Variants in NRXN1 observed in about 807,000 individuals in gnomAD.
The protein encoded by NRXN1 is neurexin-1.
A neutral mutation model predicts 150.9 loss-of-function variants in NRXN1; 39 were observed. The ratio of observed to expected loss-of-function variants is 0.26; its 90% CI spans 0.20 to 0.34. NRXN1 has a LOEUF of 0.34. NRXN1 is among the 10% of genes least tolerant of loss of function. The pLI is 1.00. For missense variants in NRXN1, 1,815 were observed against 1,949.9 expected (o/e 0.93, Z 1.30); for synonymous variants, 924 against 757.0 (o/e 1.22, Z -3.62).
intron 2 of NRXN1, among the ~76,000 whole-genome samples, chr2:50,928,653 T>A (rs1687279280): frequency 6.6e-6 from 1 of 152,072 alleles, no homozygotes. Context: ...CAAATGCTAC[T>A]TTGCTTTTGA....
chr2:50,857,970 T>C (rs1675511897), intron 5 of NRXN1, among the ~76,000 whole-genome samples: 1 of 152,094 alleles, frequency 6.6e-6, no homozygotes, highest in East Asian at 1.9e-4. Flanking sequence ...CACCTTTACA[T>C]GTGCTTTCAG....
chr2:50,513,164 T>C (rs2092517997), intron 12 of NRXN1, among the ~76,000 whole-genome samples: 2 of 152,210 alleles, frequency 1.3e-5, no homozygotes, highest in Non-Finnish European at 2.9e-5. Context: ...ATCTAATGTG[T>C]TTGGTGCTTT....
At chr2:50,891,243 A>C (rs1320410316) in intron 5 of NRXN1, among the ~76,000 whole-genome samples, 1 of 152,050 alleles carries the variant, frequency 6.6e-6, no homozygotes, top group East Asian at 1.9e-4. Flanking sequence ...TGGAGAAAAG[A>C]ATATCTCCAA....
chr2:50,636,135 C>T (rs13391995), intron 5 of NRXN1, among the ~76,000 whole-genome samples: 6,840 of 151,962 alleles, frequency 0.045, 289 homozygotes, highest in East Asian at 0.11. Flanking sequence ...TACATAAGAA[C>T]GAGATTGAAG....
At chr2:50,837,826 C>A (rs945695143) in intron 5 of NRXN1, among the ~76,000 whole-genome samples, 1 of 152,020 alleles carries the variant, frequency 6.6e-6, no homozygotes, top group African/African-American at 2.4e-5. Context: ...ACAAAAATAA[C>A]AATTTAGTTT....
At chr2:50,171,837 C>T (rs186635075) in intron 18 of NRXN1, among the ~76,000 whole-genome samples, 215 of 152,252 alleles carry the variant, frequency 1.4e-3, no homozygotes, top group Non-Finnish European at 2.2e-3. Flanking sequence ...ACCACTGGTG[C>T]CCTCCAGCTC....
intron 5 of NRXN1, among the ~76,000 whole-genome samples, chr2:50,828,985 G>A (rs1224260072): frequency 6.6e-6 from 1 of 152,284 alleles, no homozygotes; most frequent in Admixed American, 6.5e-5. Context: ...CCGGCACCTC[G>A]GGAGGCCGAG....
Position 49,948,646 on chromosome 2 carries a change from C to G in NRXN1, c.4129-4855G>C, listed in dbSNP as rs17039516. Among the ~76,000 whole-genome samples the G allele has an allele frequency of 6.6e-3, 1,011 of 152,046 alleles. 8 individuals carry two copies. The highest frequency in any genetic ancestry group is 0.023 in the African/African-American group (935 of 41,514). On this transcript the variant is annotated intron_variant, in intron 21 of 22. Transcript: ENST00000401669. ...AATTTCACTTTAGAAGCTGAATTAA[C>G]TGCACAATTTTCTAGCCAAAGCTGT... is the stretch of plus-strand genomic sequence containing the variant.
intron 22 of NRXN1, among the ~76,000 whole-genome samples, chr2:49,933,629 AC>A (rs10711663): frequency 1 from 152,326 of 152,326 alleles, 76,163 homozygotes; most frequent in Non-Finnish European, 1. Flanking sequence ...TTTATCAGAA[AC>A]CATGATAATG....
intron 21 of NRXN1, among the ~76,000 whole-genome samples, chr2:49,962,137 T>C (rs1676076588): frequency 1.3e-5 from 2 of 152,178 alleles, no homozygotes; most frequent in Non-Finnish European, 2.9e-5. Context: ...TTCAATTCTT[T>C]GGGTGGAGAG....
intron 2 of NRXN1, chr2:50,979,330 C>T (rs572161956): frequency 2.0e-6 from 1 of 511,928 alleles, no homozygotes; most frequent in Non-Finnish European, 3.9e-6. Context: ...CAATTCCATC[C>T]CTATTCTCAG....
intron 18 of NRXN1, among the ~76,000 whole-genome samples, chr2:50,100,083 C>G (rs553752927): frequency 6.6e-6 from 1 of 152,008 alleles, no homozygotes; most frequent in South Asian, 2.1e-4. Context: ...AGATTTCCTT[C>G]AAAATTTAAA....
intron 17 of NRXN1, among the ~76,000 whole-genome samples, chr2:50,443,321 TG>T (rs2086127369): frequency 6.6e-6 from 1 of 152,152 alleles, no homozygotes; most frequent in Non-Finnish European, 1.5e-5. Flanking sequence ...GTGGAGATGG[TG>T]TGAATATAGG....
intron 5 of NRXN1, among the ~76,000 whole-genome samples, chr2:50,799,898 A>G (rs1454607210): frequency 6.6e-6 from 1 of 152,178 alleles, no homozygotes; most frequent in African/African-American, 2.4e-5. Context: ...TTACAAACAC[A>G]CATACACACA....
chr2:50,851,099 G>T (rs1331251401), intron 5 of NRXN1, among the ~76,000 whole-genome samples: 2 of 152,124 alleles, frequency 1.3e-5, no homozygotes, highest in Non-Finnish European at 2.9e-5. Flanking sequence ...GATGACCACG[G>T]AAATGGTCTT....
At chr2:50,665,729 G>A (rs1343746638) in intron 5 of NRXN1, among the ~76,000 whole-genome samples, 1 of 151,874 alleles carries the variant, frequency 6.6e-6, no homozygotes, top group Non-Finnish European at 1.5e-5. Flanking sequence ...CTAATCATAT[G>A]CAAGAATTGA....
intron 2 of NRXN1, among the ~76,000 whole-genome samples, chr2:50,977,158 TTTAAA>T (rs1695972424): frequency 6.6e-6 from 1 of 151,970 alleles, no homozygotes; most frequent in African/African-American, 2.4e-5. Flanking sequence ...TTCATTACCA[TTTAAA>T]ATACCACATA....
chr2:50,641,869 C>T (rs1206939339), intron 5 of NRXN1, among the ~76,000 whole-genome samples: 1 of 152,076 alleles, frequency 6.6e-6, no homozygotes, highest in African/African-American at 2.4e-5. Context: ...AGAGAACTCC[C>T]TGACATCCAC....
intron 19 of NRXN1, among the ~76,000 whole-genome samples, chr2:50,082,068 C>T (rs902007812): frequency 5.3e-5 from 8 of 152,028 alleles, no homozygotes; most frequent in Admixed American, 2.6e-4. Flanking sequence ...TCATTTTTTC[C>T]GGCCTTCAGT....
Sources: allele counts gnomAD v4.1 joint callset (sites outside exome capture counted in the v4.1 genomes callset), GRCh38; gene constraint gnomAD v4.1.1; transcripts MANE v1.5; gene names NCBI Gene and HGNC (gene_info 2026-07-23, HGNC 2026-07-21).